Variants in CNTNAP2 observed in about 807,000 individuals in gnomAD.
CNTNAP2 encodes contactin associated protein 2, also known as contactin-associated protein-like 2.
In CNTNAP2, 98 loss-of-function variants were observed where a neutral mutation model predicts 155.2. The observed-to-expected ratio is 0.63, with a 90% CI of 0.54 to 0.75. The LOEUF (loss-of-function observed/expected upper bound fraction) is 0.75, where lower values mean the gene tolerates loss of function less well. Among genes scored for constraint, CNTNAP2 ranks in the 30% least tolerant of loss-of-function variants. CNTNAP2 has a pLI of 0.00. For missense variants in CNTNAP2, 1,727 were observed against 1,688.1 expected (o/e 1.02, Z -0.40); for synonymous variants, 651 against 631.2 (o/e 1.03, Z -0.47).
intron 1 of CNTNAP2, among the ~76,000 whole-genome samples, chr7:146,251,067 A>G (rs1799748776): frequency 6.6e-6 from 1 of 152,202 alleles, no homozygotes; most frequent in South Asian, 2.1e-4. Context: ...TAAATATGAA[A>G]TAAGAGGGTG....
At chr7:147,919,459 C>CTTTTTTTTTTTTTTTTTTTTTTT (rs796710849) in intron 14 of CNTNAP2, among the ~76,000 whole-genome samples, 4 of 51,222 alleles carry the variant, frequency 7.8e-5, no homozygotes, top group African/African-American at 1.1e-4. Context: ...CTTTTTCTTT[C>CTTTTTTTTTTTTTTTTTTTTTTT]TTTTTTTTTT....
At chr7:146,756,823 A>G (rs1802003106) in intron 1 of CNTNAP2, among the ~76,000 whole-genome samples, 2 of 152,128 alleles carry the variant, frequency 1.3e-5, no homozygotes. Context: ...TATAAGAAAC[A>G]TTATTAAAAT....
At chr7:147,564,326 T>C (rs1800125122) in intron 12 of CNTNAP2, among the ~76,000 whole-genome samples, 1 of 152,142 alleles carries the variant, frequency 6.6e-6, no homozygotes. Context: ...GGAACACACT[T>C]ACCAGAGAGA....
At chr7:146,587,090 C>G in intron 1 of CNTNAP2, among the ~76,000 whole-genome samples, 1 of 151,056 alleles carries the variant, frequency 6.6e-6, no homozygotes, top group Non-Finnish European at 1.5e-5. Flanking sequence ...ATTTTAAAGT[C>G]ATATGATGAG....
Position 147,578,850 on chromosome 7 carries a change from C to T in CNTNAP2, c.1897+16593C>T, listed in dbSNP as rs1458199325. ...CATTTTCAACAGAGATACAACTTTT[C>T]CGTCTTTTGCCTTCTCTAAGCTTAG... On this transcript the variant is annotated intron_variant, in intron 12 of 23. Coordinates refer to ENST00000361727, the MANE Select transcript of CNTNAP2 (RefSeq NM_014141.6). Among the ~76,000 whole-genome samples the T allele has an allele frequency of 1.4e-5, 2 of 146,244 alleles. 1 individual carries two copies. The highest frequency in any genetic ancestry group is 2.9e-5 in the Non-Finnish European group (2 of 67,848).
intron 8 of CNTNAP2, among the ~76,000 whole-genome samples, chr7:147,251,414 G>A (rs1194493271): frequency 6.6e-6 from 1 of 152,062 alleles, no homozygotes; most frequent in Non-Finnish European, 1.5e-5. Context: ...ACTTTGTTGT[G>A]GAATGTTTAG....
rs1313342496 is a variant in CNTNAP2, at chr7:147,898,033, C to T, written c.2099-5532C>T. Among the ~76,000 whole-genome samples the T allele has an allele frequency of 2.0e-5, 3 of 152,196 alleles. No homozygotes were observed. The East Asian group carries it at 5.8e-4, about 29-fold the overall frequency. ...CCTTTGGAACAGGGTACTGAGCTCTCCCTCTTGACTGTTTACCAGATTAAG... is the reference window on the plus strand; with the variant it reads ...CCTTTGGAACAGGGTACTGAGCTCTTCCTCTTGACTGTTTACCAGATTAAG... On this transcript the variant is annotated intron_variant, in intron 13 of 23. Transcript: ENST00000361727.
intron 14 of CNTNAP2, among the ~76,000 whole-genome samples, chr7:147,906,377 A>C (rs1362423838): frequency 6.6e-6 from 1 of 151,584 alleles, no homozygotes; most frequent in African/African-American, 2.4e-5. Flanking sequence ...CACCATGTTG[A>C]CCAGACTGGT....
In CNTNAP2 at chr7:146,613,625, G is replaced by A. The variant is rs948892502; in HGVS notation, c.98-160646G>A. On this transcript the variant is annotated intron_variant, in intron 1 of 23. Coordinates refer to ENST00000361727, the MANE Select transcript of CNTNAP2 (RefSeq NM_014141.6). ...TATGATTTTTACATCTGTTCAATAT[G>A]AGAACTATAGGTAGGATGTTGGACA... Among the ~76,000 whole-genome samples, 75 of 152,244 alleles carry A rather than the reference G, an allele frequency of 4.9e-4. 1 individual carries two copies. The highest frequency in any genetic ancestry group is 1.7e-3 in the African/African-American group (69 of 41,566).
intron 1 of CNTNAP2, among the ~76,000 whole-genome samples, chr7:146,270,865 C>A (rs1264097620): frequency 6.6e-6 from 1 of 151,992 alleles, no homozygotes; most frequent in African/African-American, 2.4e-5. Context: ...TCAATTATTG[C>A]AAAAGACAGA....
At chr7:146,547,066 G>A (rs1362603118) in intron 1 of CNTNAP2, among the ~76,000 whole-genome samples, 2 of 151,936 alleles carry the variant, frequency 1.3e-5, no homozygotes, top group South Asian at 4.1e-4. Flanking sequence ...CAGCCACGGT[G>A]TAAGTTCGAG....
At chr7:147,399,035 G>T (rs1796869298) in intron 10 of CNTNAP2, among the ~76,000 whole-genome samples, 1 of 152,030 alleles carries the variant, frequency 6.6e-6, no homozygotes, top group Non-Finnish European at 1.5e-5. Context: ...AGACTTGAAA[G>T]AGGTAACTGA....
In CNTNAP2 at chr7:147,503,814, T is replaced by G. The variant is rs547437214; in HGVS notation, c.1777+17773T>G. The stretch of plus-strand genomic sequence containing the variant: ...TCCCAGAAAATAAATTGTGTAGGCC[T>G]AAGTTAACTATTCTGTCTCTCTTTT... On this transcript the variant is annotated intron_variant, in intron 11 of 23. Coordinates refer to ENST00000361727, the MANE Select transcript of CNTNAP2 (RefSeq NM_014141.6). Among the ~76,000 whole-genome samples the G allele has an allele frequency of 8.2e-4, 125 of 152,304 alleles. 1 individual carries two copies. Among genetic ancestry groups the G allele is most frequent in the Non-Finnish European group, 1.4e-3 (96 of 68,024 alleles).
At chr7:146,818,949 A>T (rs1387451844) in intron 2 of CNTNAP2, among the ~76,000 whole-genome samples, 1 of 152,162 alleles carries the variant, frequency 6.6e-6, no homozygotes, top group Non-Finnish European at 1.5e-5. Context: ...AAATTTTTAA[A>T]TAATGATAAA....
At chr7:147,920,561 G>T (rs916651571) in intron 14 of CNTNAP2, among the ~76,000 whole-genome samples, 1 of 152,040 alleles carries the variant, frequency 6.6e-6, no homozygotes, top group Non-Finnish European at 1.5e-5. Flanking sequence ...TCAAGTAGAT[G>T]ATTATATAGC....
chr7:148,173,325 C>A (rs187467087), intron 18 of CNTNAP2, among the ~76,000 whole-genome samples: 4 of 152,298 alleles, frequency 2.6e-5, no homozygotes, highest in Admixed American at 1.3e-4. Flanking sequence ...GCATGTAAAT[C>A]ACTCCTCTCT....
intron 2 of CNTNAP2, among the ~76,000 whole-genome samples, chr7:146,797,671 T>C (rs1038739817): frequency 3.3e-5 from 5 of 152,224 alleles, no homozygotes; most frequent in African/African-American, 1.2e-4. Flanking sequence ...ACTTCAGAGA[T>C]AGAAAGATGC....
chr7:146,221,865 T>C (rs1401610728), intron 1 of CNTNAP2, among the ~76,000 whole-genome samples: 1 of 152,192 alleles, frequency 6.6e-6, no homozygotes, highest in Non-Finnish European at 1.5e-5. Flanking sequence ...CTTAAGTCAA[T>C]ACAAAGGATT....
Position 146,931,835 on chromosome 7 carries a change from A to G in CNTNAP2, c.402+91931A>G, listed in dbSNP as rs1426415150. 6.6e-5 allele frequency among the ~76,000 whole-genome samples: 10 copies of G among 152,164 alleles called. No individual in the cohort carries two copies. In the South Asian group the frequency reaches 8.3e-4, roughly 13 times the overall value. ...TCTACGCAAATAAACTAGAAAATCT[A>G]GAAGAAATGGATACATTCCTTGACA... On this transcript the variant is annotated intron_variant, in intron 3 of 23. Coordinates refer to ENST00000361727, the MANE Select transcript of CNTNAP2 (RefSeq NM_014141.6).
Sources: gnomAD v4.1 joint callset for allele counts (sites outside exome capture counted in the v4.1 genomes callset) on GRCh38, gnomAD v4.1.1 for gene constraint, MANE v1.5 for transcripts, NCBI Gene and HGNC (gene_info 2026-07-23, HGNC 2026-07-21) for gene names.